The following PANK4 variants were observed in gnomAD, a reference collection of about 807,000 sequenced individuals.
PANK4 encodes 4'-phosphopantetheine phosphatase.
PANK4 carries 40 observed loss-of-function variants against 87.9 expected under a neutral mutation model. That is an observed-to-expected ratio of 0.46 (90% CI 0.35 to 0.59). PANK4 has a LOEUF of 0.59. Among genes scored for constraint, PANK4 ranks in the 20% least tolerant of loss-of-function variants. The pLI, the probability that PANK4 is intolerant of heterozygous loss-of-function variation, is 0.00. For synonymous variants in PANK4, 524 were observed against 467.4 expected (o/e 1.12, Z -1.56); for missense variants, 926 against 1,072.3 (o/e 0.86, Z 1.90).
chr1:2,512,698 G>C, intron 13 of PANK4, 190 bp downstream of exon 13: 1 of 608,774 alleles, frequency 1.6e-6, no homozygotes, highest in Non-Finnish European at 2.9e-6. Context: ...GGACAGACAA[G>C]GGCGCTGCGC....
At chr1:2,524,200 G>C (rs1247902599) in intron 1 of PANK4, among the ~76,000 whole-genome samples, 1 of 152,198 alleles carries the variant, frequency 6.6e-6, no homozygotes, top group Non-Finnish European at 1.5e-5. Context: ...CTTTCAAAGA[G>C]GTGAATCTGC....
Position 2,519,361 on chromosome 1 carries a change from A to G in PANK4, c.854-37T>C. 2 of 1,393,856 alleles carry G rather than the reference A, an allele frequency of 1.4e-6. No individual in the cohort carries two copies. The highest frequency in any genetic ancestry group is 1.9e-6 in the Non-Finnish European group (2 of 1,028,814). The allele number at this position is 1,393,856 out of a possible 1,614,324, so 86.3% of individuals were successfully genotyped here. ...AAGGAAAAGGCACTCATCTCCAAGTACAGCAAGTGCACGACATGAGAGCGA... is the reference window on the plus strand; with the variant it reads ...AAGGAAAAGGCACTCATCTCCAAGTGCAGCAAGTGCACGACATGAGAGCGA... On this transcript the variant is annotated intron_variant, in intron 6 of 18. Coordinates refer to ENST00000378466, the MANE Select transcript of PANK4 (RefSeq NM_018216.4). This position sits in a 1 kb window ranked among gnomAD's most constrained non-coding sequence, Gnocchi z 8.3.
At position 2,519,731 on chromosome 1, in the gene PANK4, A is replaced by G; in HGVS notation, c.853+70T>C. ...GTTGTGGGAAAGCAATGGTGGGGGA[A>G]GCTCCTGTCCGTGAGACCCCAAGTG... is the stretch of plus-strand genomic sequence containing the variant. On this transcript the variant is annotated intron_variant, in intron 6 of 18. Coordinates refer to ENST00000378466, the MANE Select transcript of PANK4 (RefSeq NM_018216.4). The surrounding 1 kb of genome is among the most constrained non-coding windows in gnomAD (Gnocchi z 8.3). The G allele has an allele frequency of 7.0e-7, 1 of 1,421,246 alleles. No individual in the cohort carries two copies. The highest frequency in any genetic ancestry group is 9.4e-7 in the Non-Finnish European group (1 of 1,064,612). The allele number at this position is 1,421,246 out of a possible 1,614,324, so 88.0% of individuals were successfully genotyped here. A position where few individuals can be genotyped will look rare whatever the true frequency, so the allele number is the denominator to read the frequency against.
chr1:2,520,890 C>T lies in PANK4; in HGVS notation c.439G>A (p.Val147Met), dbSNP rs1643869341. ...KLRLKVDKEDVMTCLIKGCNF... is the reference protein window; with the variant it reads ...KLRLKVDKEDMMTCLIKGCNF... ...CACCCCTTAATCAGGCACGTCATCA[C>T]GTCCTCCTTGTCGACTCTGAAAAGG... is the stretch of plus-strand genomic sequence containing the variant. The change falls in exon 4 of 19, where the codon GTG becomes ATG. Residue 147 changes from valine (V) to methionine (M), a missense_variant. By Grantham distance (21) the Val-to-Met change is conservative (BLOSUM62 1). Coordinates refer to ENST00000378466, the MANE Select transcript of PANK4 (RefSeq NM_018216.4). This position sits in a 1 kb window ranked among gnomAD's most constrained non-coding sequence, Gnocchi z 6.2. 1.9e-6 allele frequency: 3 copies of T among 1,554,426 alleles called. No individual in the cohort carries two copies. Among genetic ancestry groups the T allele is most frequent in the Non-Finnish European group, 2.6e-6 (3 of 1,151,268 alleles).
In PANK4 at chr1:2,510,386, C is replaced by T; in HGVS notation, c.1939-229G>A. 1.7e-6 allele frequency: 1 copy of T among 575,016 alleles called. No individual in the cohort carries two copies. Among genetic ancestry groups the T allele is most frequent in the Non-Finnish European group, 3.0e-6 (1 of 333,836 alleles). 35.6% of individuals were successfully genotyped at this position (575,016 alleles called of 1,614,324 possible). ...CTGAGTTTAGAGCCTGCCCCTGGGA[C>T]CTGCCTGTCTGTGAAGTCACAGCCC... On this transcript the variant is annotated intron_variant, in intron 16 of 18. Coordinates refer to ENST00000378466, the MANE Select transcript of PANK4 (RefSeq NM_018216.4). The surrounding 1 kb of genome is among the most constrained non-coding windows in gnomAD (Gnocchi z 4.9).
At chr1:2,514,119 G>C in intron 11 of PANK4, 30 bp from the exon 12 acceptor site, 7 of 1,568,500 alleles carry the variant, frequency 4.5e-6, no homozygotes, top group Non-Finnish European at 6.1e-6. Context: ...AGGGCGCTGA[G>C]CAGGGCAGGC....
intron 9 of PANK4, among the ~76,000 whole-genome samples, chr1:2,516,967 G>C (rs1643792174): frequency 6.6e-6 from 1 of 152,244 alleles, no homozygotes; most frequent in Non-Finnish European, 1.5e-5. Flanking sequence ...GCAGGGCTGT[G>C]CCACTGGTGG....
chr1:2,517,337 T>A, intron 9 of PANK4, among the ~76,000 whole-genome samples: 1 of 152,118 alleles, frequency 6.6e-6, no homozygotes. Flanking sequence ...ACTCAACAAG[T>A]CGCGGTCTTG....
Position 2,509,952 on chromosome 1 carries a change from G to A in PANK4, c.2040-22C>T. 1.9e-6 allele frequency: 3 copies of A among 1,606,590 alleles called. No individual in the cohort carries two copies. The highest frequency in any genetic ancestry group is 2.5e-6 in the Non-Finnish European group (3 of 1,177,002). ...AGAGCTGCCAGATACAAGGTGGTCA[G>A]TGCCCCCAGGAGCTCCCAGTTCAGT... On this transcript the variant is annotated intron_variant, in intron 17 of 18. Transcript: ENST00000378466. This position sits in a 1 kb window ranked among gnomAD's most constrained non-coding sequence, Gnocchi z 4.9.
At chr1:2,512,774 C>A (rs953872073) in intron 13 of PANK4, 114 bp downstream of exon 13, 3 of 1,057,960 alleles carry the variant, frequency 2.8e-6, no homozygotes, top group Non-Finnish European at 4.3e-6. Flanking sequence ...AGCCACCAAG[C>A]CACCAAGCGC....
At chr1:2,511,091 C>T (rs529056713) in intron 15 of PANK4, among the ~76,000 whole-genome samples, 1 of 152,326 alleles carries the variant, frequency 6.6e-6, no homozygotes, top group South Asian at 2.1e-4. Context: ...GACGGATTGG[C>T]CTGCAGGGGC....
rs3122920 is a variant in PANK4 at position 2,518,272 on chromosome 1, G to A, written c.1118-8C>T. On this transcript the variant is annotated splice_region_variant and splice_polypyrimidine_tract_variant and intron_variant, in intron 8 of 18. Transcript: ENST00000378466. ...AGCTGTACTGGTTAGGATCTGGAAA[G>A]CAAGAAGCCAGGTCACTTGTGTTAA... 9,591 of 1,598,366 alleles carry A rather than the reference G, an allele frequency of 6.0e-3. 490 individuals are homozygous for A. In the African/African-American group the frequency reaches 0.11, roughly 18 times the overall value.
At chr1:2,518,712 C>T (rs112832792) in intron 7 of PANK4, 115 bp from the exon 8 acceptor site, 63 of 827,736 alleles carry the variant, frequency 7.6e-5, no homozygotes, top group East Asian at 6.4e-4. Context: ...CTCGAAGAGG[C>T]GCCATGGCAC....
intron 3 of PANK4, 46 bp downstream of exon 3, chr1:2,521,055 G>C: frequency 6.4e-7 from 1 of 1,559,604 alleles, no homozygotes; most frequent in South Asian, 1.1e-5. Context: ...CCAGGGACTC[G>C]GGGGCAGACA....
intron 9 of PANK4, among the ~76,000 whole-genome samples, chr1:2,516,898 G>A (rs1418797832): frequency 6.6e-6 from 1 of 152,190 alleles, no homozygotes; most frequent in African/African-American, 2.4e-5. Context: ...TGAAATAAAT[G>A]ACTCCATCTC....
At position 2,509,737 on chromosome 1, in the gene PANK4, TG is replaced by T. The variant is rs1643627416; in HGVS notation, c.2108+124del. 2.5e-6 allele frequency: 2 copies of T among 801,788 alleles called. No individual in the cohort carries two copies. The highest frequency in any genetic ancestry group is 1.5e-5 in the South Asian group (1 of 64,946). 49.7% of individuals were successfully genotyped at this position (801,788 alleles called of 1,614,324 possible). A position where few individuals can be genotyped will look rare whatever the true frequency, so the allele number is the denominator to read the frequency against. On this transcript the variant is annotated intron_variant, in intron 18 of 18. Coordinates refer to ENST00000378466, the MANE Select transcript of PANK4 (RefSeq NM_018216.4). The surrounding 1 kb of genome is among the most constrained non-coding windows in gnomAD (Gnocchi z 4.9). The stretch of plus-strand genomic sequence containing the variant: ...TCCCCTCCTGAGATCAATCCGGGCC[TG>T]GGGTCAGGAGAGGCCGCAGGGGCAG...
intron 9 of PANK4, among the ~76,000 whole-genome samples, chr1:2,516,444 C>T (rs1425115476): frequency 6.6e-6 from 1 of 152,212 alleles, no homozygotes; most frequent in African/African-American, 2.4e-5. Flanking sequence ...TGAGCCGACG[C>T]ACACATCAGT....
chr1:2,509,887 A>T lies in PANK4; in HGVS notation c.2083T>A (p.Ser695Thr). 1 of 1,612,112 alleles carries T rather than the reference A, an allele frequency of 6.2e-7. No individual in the cohort carries two copies. Among genetic ancestry groups the T allele is most frequent in the East Asian group, 2.2e-5 (1 of 44,860 alleles). Residue 695 changes from serine (S) to threonine (T), a missense_variant, in exon 18 of 19, where the codon TCC becomes ACC. By Grantham distance (58) the Ser-to-Thr change is moderately conservative (BLOSUM62 1). Transcript: ENST00000378466. This position sits in a 1 kb window ranked among gnomAD's most constrained non-coding sequence, Gnocchi z 4.9. ...CTGAGGTCGAGGCACGGGGAGCTGG[A>T]GCCCGTCTGCACCAGCAGCAGCCTC... The part of the protein sequence containing the change: ...EERLLLVQTG[S>T]SSPCLDLSRL...
intron 1 of PANK4, 164 bp downstream of exon 1, chr1:2,526,300 G>C: frequency 9.4e-6 from 2 of 213,792 alleles, no homozygotes; most frequent in Non-Finnish European, 1.6e-5. Flanking sequence ...CGGACTACAA[G>C]GCCCGTGAGG....
Sources: allele counts gnomAD v4.1 joint callset (sites outside exome capture counted in the v4.1 genomes callset), GRCh38; gene constraint gnomAD v4.1.1; non-coding constraint Gnocchi (gnomAD v3.1); transcripts MANE v1.5; gene names NCBI Gene and HGNC (gene_info 2026-07-23, HGNC 2026-07-21).